GPCPD1: variants seen among roughly 807,000 people sequenced by gnomAD.
GPCPD1 encodes the protein glycerophosphocholine phosphodiesterase GPCPD1.
GPCPD1 carries 29 observed loss-of-function variants against 89.2 expected under a neutral mutation model. The ratio of observed to expected loss-of-function variants is 0.33; its 90% CI spans 0.24 to 0.44. GPCPD1 has a LOEUF of 0.44. GPCPD1 is among the 20% of genes least tolerant of loss of function. The pLI is 1.00. For synonymous variants in GPCPD1, 258 were observed against 266.3 expected (o/e 0.97, Z 0.30); for missense variants, 594 against 808.9 (o/e 0.73, Z 3.22).
chr20:5,568,628 G>C (rs975525778), intron 12 of GPCPD1, among the ~76,000 whole-genome samples: 1 of 152,130 alleles, frequency 6.6e-6, no homozygotes, highest in African/African-American at 2.4e-5. Flanking sequence ...AGCTTGGCCG[G>C]GTGCAGTGGC....
At chr20:5,604,052 A>G (rs1420808578) in intron 2 of GPCPD1, among the ~76,000 whole-genome samples, 3 of 152,074 alleles carry the variant, frequency 2.0e-5, no homozygotes, top group African/African-American at 4.8e-5. Flanking sequence ...CGGCCTACCA[A>G]CTTCTTGCAC....
chr20:5,595,507 G>A (rs1485009707), intron 3 of GPCPD1, among the ~76,000 whole-genome samples: 1 of 152,034 alleles, frequency 6.6e-6, no homozygotes, highest in East Asian at 1.9e-4. Flanking sequence ...CAGGCGAGAT[G>A]GCACAAGCCT....
intron 14 of GPCPD1, 51 bp downstream of exon 14, chr20:5,566,682 C>T (rs773597707): frequency 5.6e-6 from 6 of 1,077,834 alleles, no homozygotes; most frequent in Non-Finnish European, 8.6e-6. Context: ...TTTAAAAATC[C>T]TATTAATGCT....
At chr20:5,559,288 C>T (rs868069365) in intron 17 of GPCPD1, among the ~76,000 whole-genome samples, 12 of 152,134 alleles carry the variant, frequency 7.9e-5, no homozygotes, top group Admixed American at 5.2e-4. Context: ...CATTAACATG[C>T]GTTGCCTTTT....
intron 4 of GPCPD1, among the ~76,000 whole-genome samples, chr20:5,589,942 G>A (rs867413710): frequency 3.3e-5 from 5 of 152,118 alleles, no homozygotes; most frequent in Non-Finnish European, 5.9e-5. Context: ...AATGTCACAC[G>A]ACTGTAGAAA....
At chr20:5,566,045 T>C (rs1986379559) in intron 14 of GPCPD1, among the ~76,000 whole-genome samples, 1 of 152,178 alleles carries the variant, frequency 6.6e-6, no homozygotes, top group South Asian at 2.1e-4. Flanking sequence ...GCCTATATAG[T>C]TACGTTTATG....
chr20:5,590,941 A>G (rs1008525440), intron 4 of GPCPD1, among the ~76,000 whole-genome samples: 3 of 152,222 alleles, frequency 2.0e-5, no homozygotes, highest in African/African-American at 2.4e-5. Context: ...TTCAAAGGAT[A>G]CAATGAAAAA....
At chr20:5,550,786 G>T (rs571174776) in intron 19 of GPCPD1, among the ~76,000 whole-genome samples, 2 of 152,304 alleles carry the variant, frequency 1.3e-5, no homozygotes, top group East Asian at 3.9e-4. Flanking sequence ...AGAAGATGCT[G>T]AAAGACATGT....
intron 5 of GPCPD1, chr20:5,585,811 T>A (rs1337109685): frequency 6.2e-6 from 1 of 161,244 alleles, no homozygotes; most frequent in Admixed American, 6.4e-5. Flanking sequence ...AATTTAAGAA[T>A]CTTTGTTTTG....
At chr20:5,558,302 A>G (rs1985891998) in intron 18 of GPCPD1, among the ~76,000 whole-genome samples, 197 bp from the exon 19 acceptor site, 1 of 152,220 alleles carries the variant, frequency 6.6e-6, no homozygotes, top group Non-Finnish European at 1.5e-5. Flanking sequence ...ATTAATATAT[A>G]CATAATGTAT....
chr20:5,578,596 T>C lies in GPCPD1; in HGVS notation c.489A>G (p.Leu163=). 1.9e-6 allele frequency: 3 copies of C among 1,605,700 alleles called. No homozygotes were observed. Among genetic ancestry groups the C allele is most frequent in the Non-Finnish European group, 2.6e-6 (3 of 1,172,330 alleles). The change falls in exon 8 of 20, where the codon CTA becomes CTG. Residue 163 remains leucine (L), a synonymous_variant. Transcript: ENST00000379019. ...CATCGTCATCTTCCTCCAGGCCTTC[T>C]AGTGTCAGCTTCACCCTACGTAATA... is the stretch of plus-strand genomic sequence containing the variant. ...KKSRFRVKLT[L]EGLEEDDDDR... is the part of the protein sequence containing the mutation.
Position 5,574,103 on chromosome 20 carries a change from A to G in GPCPD1, c.1002-134T>C, listed in dbSNP as rs954167320. ...TTCTGAGGCCAGTTTTGACATCCCC[A>G]AAATATGACTATGGCTGTGACTAGG... On this transcript the variant is annotated intron_variant, in intron 10 of 19. Transcript: ENST00000379019. The G allele has an allele frequency of 7.9e-6, 5 of 631,358 alleles. No homozygotes were observed. In the African/African-American group the frequency reaches 9.2e-5, roughly 12 times the overall value. 39.1% of individuals were successfully genotyped at this position (631,358 alleles called of 1,614,324 possible).
rs1984995886 is a variant in GPCPD1, at chr20:5,545,679, T to C, written c.*1982A>G. The C allele has an allele frequency of 1.3e-5, 2 of 152,206 alleles. No individual in the cohort carries two copies. The highest frequency in any genetic ancestry group is 2.4e-5 in the African/African-American group (1 of 41,448). The allele number at this position is 152,206 out of a possible 1,614,324, so 9.4% of individuals were successfully genotyped here. A position where few individuals can be genotyped will look rare whatever the true frequency, so the allele number is the denominator to read the frequency against. On this transcript the variant is annotated 3_prime_UTR_variant, in exon 20 of 20. Transcript: ENST00000379019. Reference sequence around the variant, plus strand: ...TTAGTCCTGTGAAAATAAGGAGCCATTGCTTGTCATGTTTTAATCATCTAC... The same window carrying C: ...TTAGTCCTGTGAAAATAAGGAGCCACTGCTTGTCATGTTTTAATCATCTAC...
intron 4 of GPCPD1, among the ~76,000 whole-genome samples, chr20:5,587,080 T>A (rs560925571): frequency 6.6e-6 from 1 of 152,344 alleles, no homozygotes; most frequent in African/African-American, 2.4e-5. Context: ...CCATGAAAGA[T>A]TCCCTGAGTA....
Position 5,578,319 on chromosome 20 carries a change from A to T in GPCPD1, c.705+61T>A. On this transcript the variant is annotated intron_variant, in intron 8 of 19. Coordinates refer to ENST00000379019, the MANE Select transcript of GPCPD1 (RefSeq NM_019593.5). ...TAGATTAAAATGAAAATCAAAACCA[A>T]CGTTAAAATAAGCTTGTCCCTGCAT... The T allele has an allele frequency of 3.9e-6, 4 of 1,016,134 alleles. No homozygotes were observed. The South Asian group carries it at 5.2e-5, about 13-fold the overall frequency. 62.9% of individuals were successfully genotyped at this position (1,016,134 alleles called of 1,614,324 possible).
intron 4 of GPCPD1, among the ~76,000 whole-genome samples, chr20:5,590,533 ACTCTGTCTC>A (rs1258546456): frequency 1.3e-5 from 2 of 151,392 alleles, no homozygotes; most frequent in Non-Finnish European, 2.9e-5. Context: ...ACAGAACAAG[ACTCTGTCTC>A]AAAAAAAAAA....
At chr20:5,595,168 A>C (rs759739893) in intron 3 of GPCPD1, among the ~76,000 whole-genome samples, 1 of 152,228 alleles carries the variant, frequency 6.6e-6, no homozygotes, top group Non-Finnish European at 1.5e-5. Flanking sequence ...TTTTAGCAAT[A>C]AAGTATTTTT....
rs575967859 is a variant in GPCPD1 at position 5,545,354 on chromosome 20, T to C, written c.*2307A>G. 2.6e-5 allele frequency: 4 copies of C among 152,300 alleles called. No homozygotes were observed. In the East Asian group the frequency reaches 7.7e-4, roughly 29 times the overall value. 9.4% of individuals were successfully genotyped at this position (152,300 alleles called of 1,614,324 possible). A position where few individuals can be genotyped will look rare whatever the true frequency, so the allele number is the denominator to read the frequency against. On this transcript the variant is annotated 3_prime_UTR_variant, in exon 20 of 20. Transcript: ENST00000379019. ...CTTGAAGAGCCTGCAGCCTGGCAGA[T>C]GAGACAAAGATCAACTCTGCCTACC...
rs567693351 is a variant in GPCPD1, at chr20:5,572,933, C to T, written c.1056+982G>A. On this transcript the variant is annotated intron_variant, in intron 11 of 19. Coordinates refer to ENST00000379019, the MANE Select transcript of GPCPD1 (RefSeq NM_019593.5). ...GTCACCCAGGCTGGAGTGCACTGGA[C>T]GGATCATAGCTCATTGTAGCCTCAA... is the stretch of plus-strand genomic sequence containing the variant. 2.8e-4 allele frequency among the ~76,000 whole-genome samples: 43 copies of T among 152,028 alleles called. No homozygotes were observed. In the East Asian group the frequency reaches 2.9e-3, roughly 10 times the overall value.
Sources: gnomAD v4.1 joint callset for allele counts (sites outside exome capture counted in the v4.1 genomes callset) on GRCh38, gnomAD v4.1.1 for gene constraint, MANE v1.5 for transcripts, NCBI Gene and HGNC (gene_info 2026-07-23, HGNC 2026-07-21) for gene names.